The following SETD1B variants were observed in gnomAD, a reference collection of about 807,000 sequenced individuals.
The protein encoded by SETD1B is SET domain containing 1B, histone lysine methyltransferase, also known as histone-lysine N-methyltransferase SETD1B.
In SETD1B, 7 loss-of-function variants were observed where a neutral mutation model predicts 148.0. The observed-to-expected ratio is 0.05, with a 90% CI of 0.03 to 0.09. SETD1B has a LOEUF of 0.09. Ranked by LOEUF, SETD1B falls within the 10% of genes least tolerant of loss-of-function variation. The probability of loss-of-function intolerance (pLI) is 1.00; values close to 1 mark genes in which losing one functional copy is unlikely to be tolerated. For synonymous variants in SETD1B, 1,361 were observed against 1,186.5 expected, an observed-to-expected ratio of 1.15 and a Z score of -3.02; for missense variants, 2,155 against 2,729.9, an observed-to-expected ratio of 0.79 and a Z score of 4.69.
chr12:121,823,968 C>T (rs1355181909), intron 12 of SETD1B, among the ~76,000 whole-genome samples: 1 of 152,208 alleles, frequency 6.6e-6, no homozygotes, highest in African/African-American at 2.4e-5. Flanking sequence ...GCGCCAGGCC[C>T]ATCTCACCCC....
chr12:121,797,311 C>T, the SETD1B span: 1 of 390,254 alleles, frequency 2.6e-6, no homozygotes, highest in Non-Finnish European at 5.1e-6. Flanking sequence ...GGCCCTTCCG[C>T]TGGCGTGGCC....
chr12:121,810,405 C>G lies in SETD1B; in HGVS notation c.1460C>G (p.Ser487Trp). ...AGCCCTGGCACGCCCACGCTGGAGT[C>G]GTCCCCTGCAGGGCCAGAGAAACCC... is the stretch of plus-strand genomic sequence containing the variant. ...CDSPGTPTLE[S>W]SPAGPEKPHD... The change falls in exon 6 of 17, where the codon TCG becomes TGG. Residue 487 changes from serine (S) to tryptophan (W), a missense_variant. This residue lies in a region of SETD1B where 376 missense variants were observed against 385.0 expected (regional missense o/e 0.98). Transcript: ENST00000604567. The surrounding 1 kb of genome is among the most constrained non-coding windows in gnomAD (Gnocchi z 7.6). 6.5e-7 allele frequency: 1 copy of G among 1,548,984 alleles called. No homozygotes were observed. The highest frequency in any genetic ancestry group is 8.7e-7 in the Non-Finnish European group (1 of 1,146,928).
In SETD1B at chr12:121,817,196, C is replaced by T. The variant is rs1200551225; in HGVS notation, c.2879C>T (p.Pro960Leu). 2 of 1,550,398 alleles carry T rather than the reference C, an allele frequency of 1.3e-6. No homozygotes were observed. The highest frequency in any genetic ancestry group is 1.7e-6 in the Non-Finnish European group (2 of 1,146,936). The stretch of plus-strand genomic sequence containing the variant: ...GGGCTGCGTGGGGCCATTCGCCTGC[C>T]CTCCTTCAAGGTCAAGAGGAAGGAG... ...GIGLRGAIRL[P>L]SFKVKRKEPP... The change falls in exon 8 of 17, where the codon CCC becomes CTC. Residue 960 changes from proline to leucine, a missense_variant. This residue lies in a region of SETD1B where 289 missense variants were observed against 423.7 expected (regional missense o/e 0.68). Transcript: ENST00000604567. The surrounding 1 kb of genome is among the most constrained non-coding windows in gnomAD (Gnocchi z 8.1).
Position 121,806,101 on chromosome 12 carries a change from C to G in SETD1B, c.540C>G (p.Thr180=). 6.4e-7 allele frequency: 1 copy of G among 1,551,124 alleles called. No homozygotes were observed. Among genetic ancestry groups the G allele is most frequent in the South Asian group, 1.2e-5 (1 of 84,042 alleles). ...ACATTATCCACGTGGAGCTGGACAC[C>G]AAAGGTGAGCCTGGCAGGGGAGGAG... ...MGNIIHVELD[T]KGETRMRFYE... The change falls in exon 4 of 17, where the codon ACC becomes ACG. Residue 180 remains threonine, a synonymous_variant. Coordinates refer to ENST00000604567, the MANE Select transcript of SETD1B (RefSeq NM_001353345.2).
Position 121,810,917 on chromosome 12 carries a change from A to G in SETD1B, c.1890+82A>G, listed in dbSNP as rs1592977901. Reference sequence around the variant, plus strand: ...TTTCCCCCTTCAAGCATTTAGCATGACTAGCTAAGATGCGGAAGCAATGGG... The same window carrying G: ...TTTCCCCCTTCAAGCATTTAGCATGGCTAGCTAAGATGCGGAAGCAATGGG... On this transcript the variant is annotated intron_variant, in intron 6 of 16. Transcript: ENST00000604567. This position sits in a 1 kb window ranked among gnomAD's most constrained non-coding sequence, Gnocchi z 7.6. The G allele has an allele frequency of 7.1e-7, 1 of 1,417,758 alleles. No homozygotes were observed. The highest frequency in any genetic ancestry group is 9.3e-7 in the Non-Finnish European group (1 of 1,073,388). 87.8% of individuals were successfully genotyped at this position (1,417,758 alleles called of 1,614,324 possible).
chr12:121,818,763 GCCTGTAGTCCTA>G (rs1248746632), intron 10 of SETD1B, among the ~76,000 whole-genome samples: 3 of 151,376 alleles, frequency 2.0e-5, no homozygotes, highest in Non-Finnish European at 4.4e-5. Context: ...GGTGGCAGGT[GCCTGTAGTCCTA>G]GCTACTCAGG....
At chr12:121,811,132 G>A (rs966139259) in intron 6 of SETD1B, among the ~76,000 whole-genome samples, 9 of 152,188 alleles carry the variant, frequency 5.9e-5, no homozygotes, top group Admixed American at 2.0e-4. Flanking sequence ...GATAAATTCT[G>A]GCCTGAGCTG....
rs1157120096 is a variant in SETD1B at position 121,804,331 on chromosome 12, G to T, written c.-15+98G>T. 1 of 145,194 alleles carries T rather than the reference G, an allele frequency of 6.9e-6. No homozygotes were observed. Among genetic ancestry groups the T allele is most frequent in the East Asian group, 2.0e-4 (1 of 4,968 alleles). 9.0% of individuals were successfully genotyped at this position (145,194 alleles called of 1,614,324 possible). ...CCCGAGCGGGCGAGCGGGCGGGCGG[G>T]CGGCGGCGCCGCCAGGCCCTGCCGC... On this transcript the variant is annotated intron_variant, in intron 1 of 16. Transcript: ENST00000604567. This position sits in a 1 kb window ranked among gnomAD's most constrained non-coding sequence, Gnocchi z 4.6.
At chr12:121,827,172 A>C (rs997518333) in intron 13 of SETD1B, among the ~76,000 whole-genome samples, 2 of 152,086 alleles carry the variant, frequency 1.3e-5, no homozygotes, top group African/African-American at 4.8e-5. Flanking sequence ...AGGACGTGAC[A>C]CAAGGGTTTC....
At chr12:121,823,990 G>A (rs1178553977) in intron 12 of SETD1B, among the ~76,000 whole-genome samples, 1 of 152,250 alleles carries the variant, frequency 6.6e-6, no homozygotes, top group Non-Finnish European at 1.5e-5. Flanking sequence ...AGAGTTAGCA[G>A]GTCTCAGGGT....
chr12:121,794,887 G>C, the SETD1B span, among the ~76,000 whole-genome samples: 3 of 152,186 alleles, frequency 2.0e-5, no homozygotes, highest in Non-Finnish European at 2.9e-5. Context: ...ACCCCCAACA[G>C]CAGCATGGTT....
At chr12:121,811,644 C>T (rs1566550027) in intron 6 of SETD1B, among the ~76,000 whole-genome samples, 2 of 152,096 alleles carry the variant, frequency 1.3e-5, no homozygotes, top group Admixed American at 6.5e-5. Context: ...GGTCCAGGCA[C>T]CTGCCTTGGA....
intron 5 of SETD1B, 146 bp from the exon 6 acceptor site, chr12:121,809,457 C>A: frequency 1.1e-6 from 1 of 904,466 alleles, no homozygotes; most frequent in Non-Finnish European, 1.6e-6. Flanking sequence ...GACACTCCTC[C>A]TCAATCTCCC....
chr12:121,802,079 AG>A (rs1412416354), upstream of SETD1B: 1 of 152,148 alleles, frequency 6.6e-6, no homozygotes, highest in East Asian at 1.9e-4. Flanking sequence ...CGAGAAAAAC[AG>A]GGCTGTTTTT....
At position 121,831,947 on chromosome 12, in the gene SETD1B, G is replaced by T. The variant is rs1457586391; in HGVS notation, c.*1708G>T. 1 of 151,596 alleles carries T rather than the reference G, an allele frequency of 6.6e-6. No homozygotes were observed. The highest frequency in any genetic ancestry group is 1.5e-5 in the Non-Finnish European group (1 of 67,962). 9.4% of individuals were successfully genotyped at this position (151,596 alleles called of 1,614,324 possible). ...GCCCTCTCTATTTGAGACTGTGCCC[G>T]CCGGTTTCAAGATCAAGGAAATTGG... On this transcript the variant is annotated 3_prime_UTR_variant, in exon 17 of 17. Coordinates refer to ENST00000604567, the MANE Select transcript of SETD1B (RefSeq NM_001353345.2).
chr12:121,826,557 A>G (rs1876851351), intron 13 of SETD1B, among the ~76,000 whole-genome samples: 2 of 152,132 alleles, frequency 1.3e-5, no homozygotes, highest in Non-Finnish European at 2.9e-5. Context: ...TGTGGGAGAG[A>G]CAGCACAGGC....
the SETD1B span, among the ~76,000 whole-genome samples, chr12:121,791,955 C>T: frequency 6.6e-6 from 1 of 152,238 alleles, no homozygotes; most frequent in Non-Finnish European, 1.5e-5. Context: ...CCGGGCCACG[C>T]CCCGGGAATT....
rs374364317 is a variant in SETD1B, at chr12:121,829,998, G to T, written c.5728-68G>T. On this transcript the variant is annotated intron_variant, in intron 16 of 16. Transcript: ENST00000604567. Reference sequence around the variant, plus strand: ...CTTAAGCACAGGCCTGGTTGGGTTTGGGGGGTCTGCAGTGGTGGGGGACCC... The same window carrying T: ...CTTAAGCACAGGCCTGGTTGGGTTTTGGGGGTCTGCAGTGGTGGGGGACCC... 5.9e-5 allele frequency: 85 copies of T among 1,449,838 alleles called. No homozygotes were observed. In the East Asian group the frequency reaches 2.1e-3, roughly 36 times the overall value. 89.8% of individuals were successfully genotyped at this position (1,449,838 alleles called of 1,614,324 possible). A position where few individuals can be genotyped will look rare whatever the true frequency, so the allele number is the denominator to read the frequency against.
At chr12:121,823,808 C>T (rs1876705728) in intron 12 of SETD1B, 59 bp downstream of exon 12, 1 of 1,483,612 alleles carries the variant, frequency 6.7e-7, no homozygotes, top group Non-Finnish European at 9.0e-7. Context: ...CCCTGCTCAC[C>T]TCTCTGGGCC....
Sources: gnomAD v4.1 joint callset for allele counts (sites outside exome capture counted in the v4.1 genomes callset) on GRCh38, gnomAD v4.1.1 for gene constraint, gnomAD v4.1.1 regional missense constraint, Gnocchi (gnomAD v3.1) non-coding constraint, MANE v1.5 for transcripts, NCBI Gene and HGNC (gene_info 2026-07-23, HGNC 2026-07-21) for gene names.